PTGFRN: variants seen among roughly 807,000 people sequenced by gnomAD.
PTGFRN encodes the protein prostaglandin F2 receptor inhibitor.
Under a neutral mutation model 83.2 loss-of-function variants are expected in PTGFRN, and 35 were observed. The observed-to-expected ratio is 0.42, with a 90% CI of 0.32 to 0.56. PTGFRN has a LOEUF of 0.56. Among genes scored for constraint, PTGFRN ranks in the 20% least tolerant of loss-of-function variants. The pLI, the probability that PTGFRN is intolerant of heterozygous loss-of-function variation, is 0.11. For synonymous variants in PTGFRN, 519 were observed against 498.6 expected (o/e 1.04, Z -0.55); for missense variants, 1,051 against 1,179.5 (o/e 0.89, Z 1.60).
In PTGFRN at chr1:116,984,923, G is replaced by A. The variant is rs750730133; in HGVS notation, c.2411G>A (p.Gly804Asp). 1.2e-6 allele frequency: 2 copies of A among 1,614,162 alleles called. No individual in the cohort carries two copies. The highest frequency in any genetic ancestry group is 1.3e-5 in the African/African-American group (1 of 75,030). ...SVTPWVKSPT[G>D]SWQKEAEIHS... Reference sequence around the variant, plus strand: ...ACTCCATGGGTGAAGTCACCAACAGGTTCCTGGCAGAAGGAGGCAGAGATC... The same window carrying A: ...ACTCCATGGGTGAAGTCACCAACAGATTCCTGGCAGAAGGAGGCAGAGATC... The change falls in exon 8 of 9, where the codon GGT (glycine) becomes GAT (aspartate). Residue 804 changes from glycine (G) to aspartate (D), a missense_variant. By Grantham distance (94) the Gly-to-Asp change is moderately conservative (BLOSUM62 -1). Around this residue, in one of 3 missense-constraint regions of PTGFRN, gnomAD observed 719 missense variants for 836.6 expected, o/e 0.86. Transcript: ENST00000393203.
chr1:116,942,023 T>G lies in PTGFRN; in HGVS notation c.358T>G (p.Ser120Ala). ...QPSDQGHYKCSTPSTDATVQG... is the reference protein window; with the variant it reads ...QPSDQGHYKCATPSTDATVQG... The stretch of plus-strand genomic sequence containing the variant: ...TTCAGACCAAGGCCACTACAAATGT[T>G]CAACCCCCAGCACAGATGCCACTGT... Residue 120 changes from serine (S) to alanine (A), a missense_variant, in exon 2 of 9, where the codon TCA becomes GCA. By Grantham distance (99) the Ser-to-Ala change is moderately conservative. This residue lies in a region of PTGFRN where 127 missense variants were observed against 168.4 expected (regional missense o/e 0.75). Transcript: ENST00000393203. The G allele has an allele frequency of 6.2e-7, 1 of 1,614,166 alleles. No homozygotes were observed.
intron 2 of PTGFRN, among the ~76,000 whole-genome samples, chr1:116,943,838 GAA>G (rs1049452284): frequency 6.6e-6 from 1 of 150,568 alleles, no homozygotes; most frequent in Admixed American, 6.6e-5. Context: ...GAATTGGGGG[GAA>G]AAAAAAACAG....
chr1:116,980,427 A>C (rs866138220), intron 7 of PTGFRN, among the ~76,000 whole-genome samples: 1 of 152,244 alleles, frequency 6.6e-6, no homozygotes, highest in Non-Finnish European at 1.5e-5. Flanking sequence ...TTGCAGCACT[A>C]TTCACAATAG....
intron 4 of PTGFRN, among the ~76,000 whole-genome samples, chr1:116,954,699 A>G (rs1381360011): frequency 6.6e-6 from 1 of 152,240 alleles, no homozygotes; most frequent in Non-Finnish European, 1.5e-5. Flanking sequence ...TGATCATAGT[A>G]GGAGCCAGGC....
At chr1:116,954,857 T>C (rs77470546) in intron 4 of PTGFRN, among the ~76,000 whole-genome samples, 2,083 of 152,346 alleles carry the variant, frequency 0.014, 54 homozygotes, top group African/African-American at 0.048. Flanking sequence ...AAGGTTGTTA[T>C]GGAGATTAAT....
chr1:116,944,918 G>A lies in PTGFRN; in HGVS notation c.658G>A (p.Val220Met), dbSNP rs1483779110. The A allele has an allele frequency of 1.2e-6, 2 of 1,612,512 alleles. No individual in the cohort carries two copies. The highest frequency in any genetic ancestry group is 1.7e-6 in the Non-Finnish European group (2 of 1,179,982). The change falls in exon 3 of 9, where the codon GTG (valine) becomes ATG (methionine). Residue 220 changes from valine to methionine, a missense_variant. This residue lies in a region of PTGFRN where 205 missense variants were observed against 174.5 expected (regional missense o/e 1.17). Coordinates refer to ENST00000393203, the MANE Select transcript of PTGFRN (RefSeq NM_020440.4). ...CGAGCAGCGCTACCACAGTGGGGAC[G>A]TGCGCCTCGACACCGTGGGCAGCGA... is the stretch of plus-strand genomic sequence containing the variant. ...GYEQRYHSGD[V>M]RLDTVGSDAY...
At position 116,986,969 on chromosome 1, in the gene PTGFRN, C is replaced by A. The variant is rs1184392108; in HGVS notation, c.*2C>A. ...CTCATGTCGATGGAGATGGACTAGG[C>A]TGGCCCGGGAGGGGAGTGACAGAGG... On this transcript the variant is annotated 3_prime_UTR_variant, in exon 9 of 9. Coordinates refer to ENST00000393203, the MANE Select transcript of PTGFRN (RefSeq NM_020440.4). 1.9e-6 allele frequency: 3 copies of A among 1,614,102 alleles called. No individual in the cohort carries two copies. The Admixed American group carries it at 5.0e-5, about 27-fold the overall frequency.
At chr1:116,983,704 C>T (rs1337927423) in intron 7 of PTGFRN, among the ~76,000 whole-genome samples, 1 of 151,966 alleles carries the variant, frequency 6.6e-6, no homozygotes, top group African/African-American at 2.4e-5. Flanking sequence ...CTTTTTGAGG[C>T]TATTAGTGTA....
intron 1 of PTGFRN, among the ~76,000 whole-genome samples, chr1:116,933,305 G>GT (rs1442434922): frequency 1.3e-5 from 2 of 151,260 alleles, no homozygotes; most frequent in African/African-American, 2.4e-5. Flanking sequence ...ATTAGAACAC[G>GT]TATCAGTGAT....
intron 3 of PTGFRN, among the ~76,000 whole-genome samples, chr1:116,946,412 CT>C (rs1414656356): frequency 1.3e-5 from 2 of 152,154 alleles, no homozygotes; most frequent in Non-Finnish European, 2.9e-5. Flanking sequence ...TCCAGATGGA[CT>C]TAGGTTACCT....
At chr1:116,928,069 T>C (rs1217462813) in intron 1 of PTGFRN, among the ~76,000 whole-genome samples, 1 of 152,198 alleles carries the variant, frequency 6.6e-6, no homozygotes, top group African/African-American at 2.4e-5. Context: ...CCACCCTTCT[T>C]ACCCCCTGTG....
chr1:116,950,625 G>A (rs1650318810), intron 4 of PTGFRN, among the ~76,000 whole-genome samples: 1 of 152,042 alleles, frequency 6.6e-6, no homozygotes, highest in Non-Finnish European at 1.5e-5. Flanking sequence ...TCTTGGGTTA[G>A]TGGCATATTC....
At chr1:116,979,960 G>T (rs913565614) in intron 7 of PTGFRN, among the ~76,000 whole-genome samples, 1 of 152,196 alleles carries the variant, frequency 6.6e-6, no homozygotes, top group African/African-American at 2.4e-5. Context: ...GAAAATTTTT[G>T]CAGTCTACTC....
Position 116,918,720 on chromosome 1 carries a change from A to C in PTGFRN, c.49+8468A>C, listed in dbSNP as rs191906417. Among the ~76,000 whole-genome samples, 4 of 152,286 alleles carry C rather than the reference A, an allele frequency of 2.6e-5. No homozygotes were observed. The highest frequency in any genetic ancestry group is 5.9e-5 in the Non-Finnish European group (4 of 68,028). ...TTCAGTTAGCAGTGAAGGATGGAGG[A>C]TAGCATAGGTCTGTAGTAAAGGCAG... On this transcript the variant is annotated intron_variant, in intron 1 of 8. Coordinates refer to ENST00000393203, the MANE Select transcript of PTGFRN (RefSeq NM_020440.4). The surrounding 1 kb of genome is among the most constrained non-coding windows in gnomAD (Gnocchi z 4.1).
At chr1:116,942,638 C>G (rs1022519934) in intron 2 of PTGFRN, among the ~76,000 whole-genome samples, 1 of 152,172 alleles carries the variant, frequency 6.6e-6, no homozygotes, top group Non-Finnish European at 1.5e-5. Context: ...TCATGTCTTT[C>G]TCTGTGGCTT....
intron 1 of PTGFRN, among the ~76,000 whole-genome samples, chr1:116,939,009 A>G (rs1649989431): frequency 6.6e-6 from 1 of 152,262 alleles, no homozygotes; most frequent in African/African-American, 2.4e-5. Context: ...CTAATGCAAG[A>G]GGTGGGTTCC....
Position 116,942,013 on chromosome 1 carries a change from C to A in PTGFRN, c.348C>A (p.His116Gln). 6.2e-7 allele frequency: 1 copy of A among 1,614,180 alleles called. No individual in the cohort carries two copies. The highest frequency in any genetic ancestry group is 8.5e-7 in the Non-Finnish European group (1 of 1,180,040). The change falls in exon 2 of 9, where the codon CAC becomes CAA. Residue 116 changes from histidine (H) to glutamine (Q), a missense_variant. Physicochemically the swap from His to Gln is conservative, Grantham distance 24. This residue lies in a region of PTGFRN where 127 missense variants were observed against 168.4 expected (regional missense o/e 0.75). Transcript: ENST00000393203. ...IKNVQPSDQG[H>Q]YKCSTPSTDA... ...ACGTCCAGCCTTCAGACCAAGGCCACTACAAATGTTCAACCCCCAGCACAG... is the reference window on the plus strand; with the variant it reads ...ACGTCCAGCCTTCAGACCAAGGCCAATACAAATGTTCAACCCCCAGCACAG...
chr1:116,919,939 G>A (rs1474171303), intron 1 of PTGFRN, among the ~76,000 whole-genome samples: 1 of 152,228 alleles, frequency 6.6e-6, no homozygotes, highest in East Asian at 1.9e-4. Flanking sequence ...TGTAAAATAA[G>A]GGTTGGGCTA....
At chr1:116,986,629 G>C (rs888987031) in intron 8 of PTGFRN, among the ~76,000 whole-genome samples, 172 bp from the exon 9 acceptor site, 3 of 152,222 alleles carry the variant, frequency 2.0e-5, no homozygotes, top group Non-Finnish European at 2.9e-5. Context: ...TTTTGTGACA[G>C]ATAAGGCTGA....
Sources: allele counts gnomAD v4.1 joint callset (sites outside exome capture counted in the v4.1 genomes callset), GRCh38; gene constraint gnomAD v4.1.1; regional missense constraint gnomAD v4.1.1; non-coding constraint Gnocchi (gnomAD v3.1); transcripts MANE v1.5; gene names NCBI Gene and HGNC (gene_info 2026-07-23, HGNC 2026-07-21).